CLEC4A: variants seen among roughly 807,000 people sequenced by gnomAD.
CLEC4A encodes the protein C-type (calcium dependent, carbohydrate-recognition domain) lectin, superfamily member 6.
CLEC4A carries 27 observed loss-of-function variants against 32.7 expected under a neutral mutation model. The ratio of observed to expected loss-of-function variants is 0.83; its 90% CI spans 0.61 to 1.14. The LOEUF (loss-of-function observed/expected upper bound fraction) is 1.14. CLEC4A is among the 50% of genes most tolerant of loss of function. The pLI is 0.00. For missense variants in CLEC4A, 253 were observed against 274.6 expected (o/e 0.92, Z 0.55); for synonymous variants, 89 against 93.7 (o/e 0.95, Z 0.29).
At chr12:8,110,793 C>T in the CLEC4A span, among the ~76,000 whole-genome samples, 1 of 152,146 alleles carries the variant, frequency 6.6e-6, no homozygotes, top group Non-Finnish European at 1.5e-5. Context: ...AGTGTGAGTG[C>T]CCCCCTTGCT....
At chr12:8,134,981 T>TTTG (rs1948075469) in intron 3 of CLEC4A, 2 of 290,800 alleles carry the variant, frequency 6.9e-6, no homozygotes, top group African/African-American at 2.7e-5. Context: ...GCGTTTTTGT[T>TTTG]TTTTGTTTTT....
chr12:8,104,500 TC>T, the CLEC4A span, among the ~76,000 whole-genome samples: 1 of 152,196 alleles, frequency 6.6e-6, no homozygotes, highest in African/African-American at 2.4e-5. Context: ...CAGTTGATTC[TC>T]TTCAAGAAAC....
upstream of CLEC4A, among the ~76,000 whole-genome samples, chr12:8,120,508 A>G (rs1591604662): frequency 1.3e-5 from 2 of 152,340 alleles, no homozygotes; most frequent in Non-Finnish European, 1.5e-5. Context: ...ACATGATGCA[A>G]TATTCAGAGA....
chr12:8,115,976 T>A, the CLEC4A span, among the ~76,000 whole-genome samples: 3 of 151,850 alleles, frequency 2.0e-5, no homozygotes, highest in Non-Finnish European at 2.9e-5. Context: ...ATATATATAT[T>A]TTTTGAGACA....
intron 1 of CLEC4A, among the ~76,000 whole-genome samples, chr12:8,124,505 T>C (rs1268120842): frequency 6.6e-6 from 1 of 152,264 alleles, no homozygotes; most frequent in African/African-American, 2.4e-5. Context: ...AAACTTTTTC[T>C]GAAATCAGAG....
chr12:8,118,898 A>G (rs1947809769), upstream of CLEC4A, among the ~76,000 whole-genome samples: 2 of 152,252 alleles, frequency 1.3e-5, no homozygotes, highest in Admixed American at 6.5e-5. Context: ...TTGCTGGTCT[A>G]TCTCTTGCCC....
chr12:8,133,279 G>A (rs1176224742), intron 3 of CLEC4A, among the ~76,000 whole-genome samples: 1 of 151,880 alleles, frequency 6.6e-6, no homozygotes, highest in East Asian at 1.9e-4. Context: ...TAGAACTCCC[G>A]ACCACAGGTG....
At position 8,123,904 on chromosome 12, in the gene CLEC4A, A is replaced by C. The variant is rs759928998; in HGVS notation, c.26A>C (p.Glu9Ala). 6 of 1,613,102 alleles carry C rather than the reference A, an allele frequency of 3.7e-6. No individual in the cohort carries two copies. The highest frequency in any genetic ancestry group is 5.1e-6 in the Non-Finnish European group (6 of 1,179,028). MTSEITYA[E>A]VRFKNEFKSS... ...ATGACTTCGGAAATCACTTATGCTGAAGTGAGGTTCAAAAATGAATTCAAG... is the reference window on the plus strand; with the variant it reads ...ATGACTTCGGAAATCACTTATGCTGCAGTGAGGTTCAAAAATGAATTCAAG... The change falls in exon 1 of 6, where the codon GAA (glutamate) becomes GCA (alanine). Residue 9 changes from glutamate to alanine, a missense_variant. By Grantham distance (107) the Glu-to-Ala change is moderately radical. Transcript: ENST00000229332.
Position 8,135,644 on chromosome 12 carries a change from A to C in CLEC4A, c.358A>C (p.Ile120Leu), listed in dbSNP as rs1380999911. ...WKSFSSNCYF[I>L]STESASWQDS... ...GTCATTTAGTTCCAACTGCTACTTT[A>C]TTTCTACTGAATCAGCATCTTGGCA... The change falls in exon 4 of 6, where the codon ATT becomes CTT. Residue 120 changes from isoleucine to leucine, a missense_variant. Physicochemically the swap from Ile to Leu is conservative, Grantham distance 5 (BLOSUM62 2). Coordinates refer to ENST00000229332, the MANE Select transcript of CLEC4A (RefSeq NM_016184.4). 2 of 1,614,210 alleles carry C rather than the reference A, an allele frequency of 1.2e-6. No homozygotes were observed. Among genetic ancestry groups the C allele is most frequent in the Admixed American group, 3.3e-5 (2 of 60,024 alleles).
At chr12:8,134,071 G>A (rs1358818202) in intron 3 of CLEC4A, 1 of 1,589,796 alleles carries the variant, frequency 6.3e-7, no homozygotes, top group Non-Finnish European at 8.6e-7. Flanking sequence ...GGGCGATGTG[G>A]CTGATCTGCT....
the CLEC4A span, among the ~76,000 whole-genome samples, chr12:8,109,986 A>T: frequency 6.6e-6 from 1 of 152,174 alleles, no homozygotes; most frequent in African/African-American, 2.4e-5. Context: ...TGCTTCTGAA[A>T]CATATTTCAG....
the CLEC4A span, among the ~76,000 whole-genome samples, chr12:8,111,214 T>C: frequency 0.038 from 4,610 of 121,046 alleles, 262 homozygotes; most frequent in African/African-American, 0.13. Context: ...AGACTCTGGC[T>C]CTGTTGCCCA....
chr12:8,135,788 C>G, intron 4 of CLEC4A, 52 bp downstream of exon 4: 2 of 1,571,890 alleles, frequency 1.3e-6, no homozygotes, highest in Non-Finnish European at 1.7e-6. Context: ...CTTTGTATAT[C>G]TCTCTTGGCT....
intron 2 of CLEC4A, among the ~76,000 whole-genome samples, chr12:8,128,447 G>A (rs763886118): frequency 8.9e-5 from 13 of 146,758 alleles, no homozygotes; most frequent in Middle Eastern, 3.6e-3. Flanking sequence ...GTCTTGCTCC[G>A]TCACCCAGGC....
chr12:8,112,636 A>T, the CLEC4A span, among the ~76,000 whole-genome samples: 2 of 150,586 alleles, frequency 1.3e-5, no homozygotes, highest in African/African-American at 2.4e-5. Flanking sequence ...GTTTGTCTTT[A>T]GTGTGTTTTC....
intron 2 of CLEC4A, among the ~76,000 whole-genome samples, chr12:8,126,848 C>CGT (rs1300455136): frequency 2.0e-5 from 3 of 151,982 alleles, no homozygotes; most frequent in African/African-American, 7.3e-5. Context: ...TTTGGGGAAA[C>CGT]GTAAGTATGC....
chr12:8,113,696 G>T, the CLEC4A span, among the ~76,000 whole-genome samples: 1 of 151,852 alleles, frequency 6.6e-6, no homozygotes, highest in Non-Finnish European at 1.5e-5. Context: ...TCTTATTGTC[G>T]TCTCACCCCC....
chr12:8,127,634 AAG>A (rs749859090), intron 2 of CLEC4A, among the ~76,000 whole-genome samples: 1 of 152,298 alleles, frequency 6.6e-6, no homozygotes, highest in East Asian at 1.9e-4. Context: ...TTTGGAGGGA[AAG>A]AGAGGTTAGA....
chr12:8,112,187 C>G, the CLEC4A span, among the ~76,000 whole-genome samples: 1 of 152,034 alleles, frequency 6.6e-6, no homozygotes, highest in East Asian at 1.9e-4. Flanking sequence ...AGGCTGGTCT[C>G]AAACTCTTGA....
Sources: gnomAD v4.1 joint callset for allele counts (sites outside exome capture counted in the v4.1 genomes callset) on GRCh38, gnomAD v4.1.1 for gene constraint, MANE v1.5 for transcripts, NCBI Gene and HGNC (gene_info 2026-07-23, HGNC 2026-07-21) for gene names.